ASIC2: variants seen among roughly 807,000 people sequenced by gnomAD.
ASIC2 encodes acid-sensing ion channel 2.
Under a neutral mutation model 57.3 loss-of-function variants are expected in ASIC2, and 25 were observed. The ratio of observed to expected loss-of-function variants is 0.44; its 90% confidence interval spans 0.32 to 0.61. The LOEUF (loss-of-function observed/expected upper bound fraction) is 0.61. Ranked by LOEUF, ASIC2 falls within the 20% of genes least tolerant of loss-of-function variation. The pLI is 0.06. For synonymous variants in ASIC2, 319 were observed against 307.5 expected (o/e 1.04, Z -0.39); for missense variants, 641 against 738.1 (o/e 0.87, Z 1.52).
intron 3 of ASIC2, among the ~76,000 whole-genome samples, chr17:33,029,393 A>G (rs750542894): frequency 1.3e-5 from 2 of 152,208 alleles, no homozygotes; most frequent in Admixed American, 6.5e-5. Flanking sequence ...GCTCTTTTGC[A>G]TCTAGCTTCT....
chr17:33,563,980 T>G (rs1457468131), intron 1 of ASIC2, among the ~76,000 whole-genome samples: 2 of 152,132 alleles, frequency 1.3e-5, no homozygotes, highest in African/African-American at 4.8e-5. Context: ...TCTTACGAGA[T>G]TAGATGGCTA....
At chr17:33,911,438 C>T (rs764202371) in intron 1 of ASIC2, among the ~76,000 whole-genome samples, 12 of 152,196 alleles carry the variant, frequency 7.9e-5, no homozygotes, top group Non-Finnish European at 1.6e-4. Flanking sequence ...GAGGTATTCT[C>T]ATCGTCCAGA....
chr17:33,895,962 C>T (rs1915084602), intron 1 of ASIC2, among the ~76,000 whole-genome samples: 1 of 151,996 alleles, frequency 6.6e-6, no homozygotes, highest in Non-Finnish European at 1.5e-5. Flanking sequence ...AAAATGGAGA[C>T]AACAGCAGCT....
rs538227300 is a variant in ASIC2 at position 33,163,099 on chromosome 17, G to T, written c.709-51032C>A. 3.3e-5 allele frequency among the ~76,000 whole-genome samples: 5 copies of T among 152,276 alleles called. No homozygotes were observed. The East Asian group carries it at 5.8e-4, about 18-fold the overall frequency. On this transcript the variant is annotated intron_variant, in intron 1 of 9. Transcript: ENST00000225823. ...CATTCTGGTGGGGTGGGAGTAGGGG[G>T]TGGTCTGAGAACTTGAAGGGGACCA...
intron 1 of ASIC2, among the ~76,000 whole-genome samples, chr17:33,559,104 G>C (rs1915996428): frequency 6.6e-6 from 1 of 152,054 alleles, no homozygotes; most frequent in African/African-American, 2.4e-5. Context: ...GTCTTAACTG[G>C]ATCTCCAGGT....
At chr17:33,786,134 T>C (rs1409169091) in intron 1 of ASIC2, among the ~76,000 whole-genome samples, 2 of 152,174 alleles carry the variant, frequency 1.3e-5, no homozygotes, top group African/African-American at 2.4e-5. Flanking sequence ...CTTGATCATG[T>C]TGGCATAAAC....
At chr17:33,698,123 TC>T (rs1908585041) in intron 1 of ASIC2, among the ~76,000 whole-genome samples, 1 of 152,246 alleles carries the variant, frequency 6.6e-6, no homozygotes, top group Non-Finnish European at 1.5e-5. Flanking sequence ...TATACATTGT[TC>T]ATTTTAATTT....
intron 1 of ASIC2, among the ~76,000 whole-genome samples, chr17:33,512,404 C>T (rs1914454857): frequency 6.6e-6 from 1 of 152,184 alleles, no homozygotes; most frequent in African/African-American, 2.4e-5. Context: ...CAGCCTGTCC[C>T]TTAGCATCAG....
chr17:33,648,403 G>T (rs1476643924), intron 1 of ASIC2, among the ~76,000 whole-genome samples: 1 of 152,178 alleles, frequency 6.6e-6, no homozygotes, highest in Non-Finnish European at 1.5e-5. Flanking sequence ...TGAGCACTTC[G>T]CATGTTGTTC....
chr17:33,247,621 CG>C (rs1785016051), intron 1 of ASIC2, among the ~76,000 whole-genome samples: 1 of 152,154 alleles, frequency 6.6e-6, no homozygotes, highest in Admixed American at 6.5e-5. Context: ...AGAGTCTACC[CG>C]TGTCTACTCT....
chr17:33,301,112 C>T (rs1905942212), intron 1 of ASIC2, among the ~76,000 whole-genome samples: 1 of 151,906 alleles, frequency 6.6e-6, no homozygotes, highest in Non-Finnish European at 1.5e-5. Context: ...TCACGGCAAC[C>T]TCCGCCTCCT....
At chr17:33,581,411 C>T (rs1401180148) in intron 1 of ASIC2, 2 of 152,198 alleles carry the variant, frequency 1.3e-5, no homozygotes, top group African/African-American at 4.8e-5. Context: ...TTGACTTCAG[C>T]ACTATGACAT....
intron 1 of ASIC2, among the ~76,000 whole-genome samples, chr17:33,360,824 G>T (rs549380744): frequency 6.6e-6 from 1 of 152,252 alleles, no homozygotes; most frequent in Non-Finnish European, 1.5e-5. Context: ...GTGGCCACAT[G>T]GAGCCCTAAC....
At chr17:33,043,020 A>T (rs575694293) in intron 3 of ASIC2, among the ~76,000 whole-genome samples, 58 of 150,180 alleles carry the variant, frequency 3.9e-4, no homozygotes, top group African/African-American at 1.4e-3. Flanking sequence ...TCCGCCTCCC[A>T]GGTTCATGCC....
intron 1 of ASIC2, among the ~76,000 whole-genome samples, chr17:33,925,984 T>G (rs1915814570): frequency 6.6e-6 from 1 of 152,228 alleles, no homozygotes; most frequent in Admixed American, 6.5e-5. Flanking sequence ...CAGAAGGCTC[T>G]AACTCTAATA....
intron 1 of ASIC2, among the ~76,000 whole-genome samples, chr17:33,221,525 G>C (rs1242670054): frequency 6.6e-6 from 1 of 152,050 alleles, no homozygotes; most frequent in Non-Finnish European, 1.5e-5. Flanking sequence ...AAGATTTTAG[G>C]CTTCTAAATT....
chr17:33,131,152 G>T (rs1567756372), intron 1 of ASIC2, among the ~76,000 whole-genome samples: 1 of 152,246 alleles, frequency 6.6e-6, no homozygotes, highest in African/African-American at 2.4e-5. Flanking sequence ...GGATCCAATG[G>T]GCAGAACGGG....
At chr17:34,053,819 TGGA>T (rs1224232082) in intron 1 of ASIC2, among the ~76,000 whole-genome samples, 1 of 152,186 alleles carries the variant, frequency 6.6e-6, no homozygotes, top group Non-Finnish European at 1.5e-5. Flanking sequence ...ATCTTTAAGG[TGGA>T]GGAAACCAAA....
chr17:34,020,113 T>A (rs1000804514), intron 1 of ASIC2, among the ~76,000 whole-genome samples: 3 of 152,220 alleles, frequency 2.0e-5, no homozygotes, highest in Admixed American at 6.5e-5. Flanking sequence ...TGCAAAAAAA[T>A]TGTGGCTACA....
Sources: gnomAD v4.1 joint callset for allele counts (sites outside exome capture counted in the v4.1 genomes callset) on GRCh38, gnomAD v4.1.1 for gene constraint, MANE v1.5 for transcripts, NCBI Gene and HGNC (gene_info 2026-07-23, HGNC 2026-07-21) for gene names.